The following DENND4C variants were observed in gnomAD, a reference collection of about 807,000 sequenced individuals.
The protein encoded by DENND4C is DENN domain-containing protein 4C.
Under a neutral mutation model 203.0 loss-of-function variants are expected in DENND4C, and 108 were observed. That is an observed-to-expected ratio of 0.53 (90% CI 0.46 to 0.62). DENND4C has a LOEUF of 0.62. Among genes scored for constraint, DENND4C ranks in the 20% least tolerant of loss-of-function variants. The pLI, the probability that DENND4C is intolerant of heterozygous loss-of-function variation, is 0.00. For synonymous variants in DENND4C, 871 were observed against 792.4 expected (o/e 1.10, Z -1.67); for missense variants, 2,481 against 2,301.2 (o/e 1.08, Z -1.60).
rs1206245205 is a variant in DENND4C, at chr9:19,306,761, T to C, written c.1487+1234T>C. ...TGCACAATTGTATTTATTTATTTAT[T>C]TATTTATTTATTTATTTATTTATTT... On this transcript the variant is annotated intron_variant, in intron 10 of 32. Transcript: ENST00000434457. Among the ~76,000 whole-genome samples the C allele has an allele frequency of 3.6e-5, 5 of 137,020 alleles. No homozygotes were observed. The East Asian group carries it at 5.9e-4, about 16-fold the overall frequency. 89.9% of individuals were successfully genotyped at this position (137,020 alleles called of 152,430 possible). A position where few individuals can be genotyped will look rare whatever the true frequency, so the allele number is the denominator to read the frequency against.
At chr9:19,273,094 A>G (rs966246563) in intron 1 of DENND4C, among the ~76,000 whole-genome samples, 7 of 151,454 alleles carry the variant, frequency 4.6e-5, no homozygotes, top group African/African-American at 9.7e-5. Flanking sequence ...GACTACAGGC[A>G]CCCGCCGCCA....
At chr9:19,283,831 G>A (rs923293978) in intron 2 of DENND4C, among the ~76,000 whole-genome samples, 1 of 151,896 alleles carries the variant, frequency 6.6e-6, no homozygotes, top group Non-Finnish European at 1.5e-5. Flanking sequence ...CCAACCTCAG[G>A]TGATCCGCCC....
At chr9:19,247,183 T>C (rs1054104623) in intron 1 of DENND4C, among the ~76,000 whole-genome samples, 27 of 152,338 alleles carry the variant, frequency 1.8e-4, no homozygotes, top group Non-Finnish European at 3.4e-4. Context: ...TCCTTCTCGG[T>C]CTTATTTTCT....
intron 2 of DENND4C, among the ~76,000 whole-genome samples, chr9:19,280,852 C>A (rs1316790097): frequency 6.6e-6 from 1 of 151,918 alleles, no homozygotes; most frequent in Non-Finnish European, 1.5e-5. Context: ...GTGGTCCTCC[C>A]ACCTCAGCCT....
In DENND4C at chr9:19,346,105, T is replaced by C; in HGVS notation, c.3336T>C (p.Asp1112=). 1.2e-6 allele frequency: 2 copies of C among 1,614,194 alleles called. No individual in the cohort carries two copies. Among genetic ancestry groups the C allele is most frequent in the Non-Finnish European group, 1.7e-6 (2 of 1,180,038 alleles). ...TGTTGCTTAAGAAGAGTAGTTTGGA[T>C]TCGAATTCAAGTGAAATGGCTATCA... ...AGMLLKKSSL[D]SNSSEMAIMM... is the part of the protein sequence containing the mutation. The change falls in exon 23 of 33, where the codon GAT becomes GAC. Residue 1112 remains aspartate (D), a synonymous_variant. Transcript: ENST00000434457.
intron 2 of DENND4C, among the ~76,000 whole-genome samples, chr9:19,282,715 C>CTTTTTTTTTTTTTTTTTTT (rs1554717864): frequency 3.8e-4 from 33 of 86,664 alleles, no homozygotes; most frequent in African/African-American, 1.4e-3. Flanking sequence ...TTTCTTCTCT[C>CTTTTTTTTTTTTTTTTTTT]TTTTTTTTTT....
At chr9:19,351,425 A>G (rs1824086646) in intron 24 of DENND4C, among the ~76,000 whole-genome samples, 1 of 152,210 alleles carries the variant, frequency 6.6e-6, no homozygotes, top group African/African-American at 2.4e-5. Context: ...TTGGAGAATC[A>G]CTAGGATGTG....
chr9:19,261,903 C>A (rs1386946463), intron 1 of DENND4C, among the ~76,000 whole-genome samples: 1 of 151,704 alleles, frequency 6.6e-6, no homozygotes, highest in Non-Finnish European at 1.5e-5. Context: ...ATTAGGTTAA[C>A]CTTAACTTAG....
chr9:19,280,386 C>T (rs531588175), intron 2 of DENND4C, among the ~76,000 whole-genome samples: 2 of 152,262 alleles, frequency 1.3e-5, no homozygotes, highest in Admixed American at 6.5e-5. Context: ...ACCTCGTGAT[C>T]CACCTGCCTC....
chr9:19,318,190 G>C (rs1458947226), intron 12 of DENND4C, among the ~76,000 whole-genome samples: 1 of 152,080 alleles, frequency 6.6e-6, no homozygotes, highest in Non-Finnish European at 1.5e-5. Flanking sequence ...GTGGTGGTGT[G>C]TGCCTGTAAT....
At chr9:19,252,590 AAAT>A (rs1826901996) in intron 1 of DENND4C, among the ~76,000 whole-genome samples, 1 of 152,122 alleles carries the variant, frequency 6.6e-6, no homozygotes, top group Non-Finnish European at 1.5e-5. Flanking sequence ...TCTTAAAATA[AAAT>A]AATTATTTGG....
At chr9:19,353,536 G>T (rs1824664411) in intron 26 of DENND4C, among the ~76,000 whole-genome samples, 1 of 152,220 alleles carries the variant, frequency 6.6e-6, no homozygotes, top group Non-Finnish European at 1.5e-5. Flanking sequence ...GCTGAGGCAG[G>T]AGAATTGCTT....
At position 19,362,373 on chromosome 9, in the gene DENND4C, C is replaced by T. The variant is rs552284885; in HGVS notation, c.5524+410C>T. On this transcript the variant is annotated intron_variant, in intron 30 of 32. Coordinates refer to ENST00000434457, the MANE Select transcript of DENND4C (RefSeq NM_001330640.2). ...AGGTGACTGGATAAGCAAATTGTGG[C>T]ACATTCCATCCATACTGTAGGATAT... Among the ~76,000 whole-genome samples the T allele has an allele frequency of 2.6e-5, 4 of 152,094 alleles. No homozygotes were observed. The East Asian group carries it at 7.7e-4, about 29-fold the overall frequency.
chr9:19,234,961 TTTTC>T (rs903057169), intron 1 of DENND4C, among the ~76,000 whole-genome samples: 1 of 151,988 alleles, frequency 6.6e-6, no homozygotes, highest in African/African-American at 2.4e-5. Flanking sequence ...TTTTTTTTTT[TTTTC>T]TTTCTTTTTT....
intron 10 of DENND4C, among the ~76,000 whole-genome samples, chr9:19,307,393 C>CA (rs753710246): frequency 0.081 from 4,683 of 58,034 alleles, 147 homozygotes; most frequent in African/African-American, 0.12. Flanking sequence ...GACTCTGTCT[C>CA]AAAAAAAAAA....
intron 30 of DENND4C, among the ~76,000 whole-genome samples, chr9:19,368,999 A>T (rs903397606): frequency 6.6e-6 from 1 of 151,244 alleles, no homozygotes; most frequent in African/African-American, 2.4e-5. Context: ...AAATAAAATA[A>T]ATTAGCCAAC....
At chr9:19,274,423 G>C (rs1197705877) in intron 1 of DENND4C, among the ~76,000 whole-genome samples, 1 of 152,130 alleles carries the variant, frequency 6.6e-6, no homozygotes, top group Non-Finnish European at 1.5e-5. Context: ...AGACTCCTGA[G>C]TAGCTGGGAT....
At chr9:19,308,653 G>A (rs1426418760) in intron 10 of DENND4C, among the ~76,000 whole-genome samples, 2 of 152,198 alleles carry the variant, frequency 1.3e-5, no homozygotes, top group Non-Finnish European at 2.9e-5. Context: ...GATAAACAGG[G>A]GCTCATCTTA....
At chr9:19,287,650 T>A (rs180685506) in intron 3 of DENND4C, among the ~76,000 whole-genome samples, 1 of 152,122 alleles carries the variant, frequency 6.6e-6, no homozygotes, top group Admixed American at 6.5e-5. Flanking sequence ...CCCGGCCTGT[T>A]TTTGTTTTTG....
Sources: gnomAD v4.1 joint callset for allele counts (sites outside exome capture counted in the v4.1 genomes callset) on GRCh38, gnomAD v4.1.1 for gene constraint, MANE v1.5 for transcripts, NCBI Gene and HGNC (gene_info 2026-07-23, HGNC 2026-07-21) for gene names.